AIG1: variants seen among roughly 807,000 people sequenced by gnomAD.
AIG1 encodes androgen induced 1, also known as androgen-induced gene 1 protein.
Under a neutral mutation model 31.4 loss-of-function variants are expected in AIG1, and 23 were observed. The ratio of observed to expected loss-of-function variants is 0.73; its 90% CI spans 0.53 to 1.04. The LOEUF is 1.04. Among genes scored for constraint, AIG1 ranks in the 50% least tolerant of loss-of-function variants. AIG1 has a pLI of 0.00. For missense variants in AIG1, 274 were observed against 295.0 expected (o/e 0.93, Z 0.52); for synonymous variants, 100 against 110.5 (o/e 0.90, Z 0.60).
chr6:143,065,550 G>A (rs1776619879), intron 1 of AIG1, among the ~76,000 whole-genome samples: 1 of 152,080 alleles, frequency 6.6e-6, no homozygotes, highest in South Asian at 2.1e-4. Flanking sequence ...AGAAGAATTA[G>A]GATAAAACCA....
At chr6:143,167,958 A>C (rs1020124443) in intron 3 of AIG1, among the ~76,000 whole-genome samples, 4 of 152,196 alleles carry the variant, frequency 2.6e-5, no homozygotes, top group African/African-American at 9.6e-5. Context: ...TAAACAATTT[A>C]CATTACTTGA....
intron 1 of AIG1, among the ~76,000 whole-genome samples, chr6:143,072,510 G>A (rs963499115): frequency 6.6e-6 from 1 of 151,926 alleles, no homozygotes; most frequent in African/African-American, 2.4e-5. Flanking sequence ...ATCCTTTCTT[G>A]TTTCTTGTTC....
intron 2 of AIG1, among the ~76,000 whole-genome samples, chr6:143,164,344 T>C (rs906625751): frequency 6.6e-6 from 1 of 152,192 alleles, no homozygotes; most frequent in Non-Finnish European, 1.5e-5. Flanking sequence ...CTGAACTTCT[T>C]TTCTCACTAT....
chr6:143,162,534 A>ACAAT (rs1786481311), intron 2 of AIG1, among the ~76,000 whole-genome samples: 1 of 152,206 alleles, frequency 6.6e-6, no homozygotes. Flanking sequence ...ACCAGTGTGT[A>ACAAT]CAATCCCCTT....
intron 2 of AIG1, among the ~76,000 whole-genome samples, chr6:143,140,270 T>C (rs1197741688): frequency 6.6e-6 from 1 of 152,250 alleles, no homozygotes; most frequent in African/African-American, 2.4e-5. Context: ...TTATGGGAGC[T>C]ACAATTCAAG....
At position 143,340,653 on chromosome 6, in the gene AIG1, G is replaced by A. The variant is rs750423862; in HGVS notation, c.*977G>A. ...TATTTTTTGTATTTTTAGTAGAGAC[G>A]GGGTTTCACCTTGTTAGCCAGGATG... On this transcript the variant is annotated 3_prime_UTR_variant, in exon 6 of 6. Transcript: ENST00000357847. Among the ~76,000 whole-genome samples, 38 of 151,796 alleles carry A rather than the reference G, an allele frequency of 2.5e-4. No homozygotes were observed. The highest frequency in any genetic ancestry group is 7.3e-4 in the African/African-American group (30 of 41,312).
intron 1 of AIG1, chr6:143,061,713 C>T (rs987748773): frequency 1.7e-5 from 3 of 172,524 alleles, no homozygotes. Context: ...TCTGTCTTCC[C>T]ATGTACAAAT....
rs1009743566 is a variant in AIG1 at position 143,288,878 on chromosome 6, A to G, written c.515+4653A>G. ...CTGAAAAGGTAGGATGTCTCAAAGA[A>G]GTAGTGGGTGGTTACAAGTCATAGG... On this transcript the variant is annotated intron_variant, in intron 4 of 5. Transcript: ENST00000357847. The surrounding 1 kb of genome is among the most constrained non-coding windows in gnomAD (Gnocchi z 4.4). Among the ~76,000 whole-genome samples, 2 of 152,184 alleles carry G rather than the reference A, an allele frequency of 1.3e-5. No homozygotes were observed. The highest frequency in any genetic ancestry group is 6.5e-5 in the Admixed American group (1 of 15,278).
At chr6:143,261,711 A>G (rs1262950658) in intron 3 of AIG1, among the ~76,000 whole-genome samples, 3 of 152,116 alleles carry the variant, frequency 2.0e-5, no homozygotes, top group Non-Finnish European at 1.5e-5. Flanking sequence ...TCCTCCACCA[A>G]TGGGTTAAGT....
rs182099781 is a variant in AIG1, at chr6:143,062,604, A to G, written c.141+1538A>G. ...TTGTCAATGAGGATTGGCTTTGCCA[A>G]TTATGTTGTGTAGCAGACATTTTCT... On this transcript the variant is annotated intron_variant, in intron 1 of 5. Coordinates refer to ENST00000357847, the MANE Select transcript of AIG1 (RefSeq NM_016108.4). 1.7e-3 allele frequency among the ~76,000 whole-genome samples: 266 copies of G among 152,276 alleles called. 1 individual carries two copies. The highest frequency in any genetic ancestry group is 6.2e-3 in the African/African-American group (256 of 41,546).
rs1332427643 is a variant in AIG1 at position 143,227,772 on chromosome 6, T to G, written c.400-56338T>G. 2.6e-5 allele frequency among the ~76,000 whole-genome samples: 4 copies of G among 152,106 alleles called. No homozygotes were observed. In the South Asian group the frequency reaches 6.2e-4, roughly 24 times the overall value. On this transcript the variant is annotated intron_variant, in intron 3 of 5. Coordinates refer to ENST00000357847, the MANE Select transcript of AIG1 (RefSeq NM_016108.4). ...AGGGGTGGGCTGGCAGCATCTACTA[T>G]CAGGGTGCACATGCACAGGGACCCA...
chr6:143,111,248 C>T (rs147074103), intron 1 of AIG1, among the ~76,000 whole-genome samples: 125 of 152,262 alleles, frequency 8.2e-4, no homozygotes, highest in African/African-American at 2.9e-3. Context: ...CTTCTCATAC[C>T]AGCCCCTGAC....
intron 3 of AIG1, among the ~76,000 whole-genome samples, chr6:143,185,438 A>C (rs1005270776): frequency 3.3e-5 from 5 of 152,104 alleles, no homozygotes; most frequent in African/African-American, 1.2e-4. Context: ...GCCCCTGCAC[A>C]CTGCGCTCCT....
rs1044255663 is a variant in AIG1, at chr6:143,189,318, C to T, written c.399+24135C>T. 10 of 810,530 alleles carry T rather than the reference C, an allele frequency of 1.2e-5. No individual in the cohort carries two copies. In the Admixed American group the frequency reaches 3.1e-4, roughly 25 times the overall value. The allele number at this position is 810,530 out of a possible 1,614,324, so 50.2% of individuals were successfully genotyped here. ...CTGGTCTCGAACTCCTGGCCTCAAG[C>T]GATCCTCCTGCCTCAGCCTTCCTGA... On this transcript the variant is annotated intron_variant, in intron 3 of 5. Transcript: ENST00000357847.
At chr6:143,129,440 A>G (rs1173987255) in intron 1 of AIG1, among the ~76,000 whole-genome samples, 1 of 152,228 alleles carries the variant, frequency 6.6e-6, no homozygotes, top group Non-Finnish European at 1.5e-5. Context: ...GGGGAGAACC[A>G]GTAGGGAGGT....
chr6:143,185,814 T>C (rs1022208543), intron 3 of AIG1, among the ~76,000 whole-genome samples: 1 of 152,202 alleles, frequency 6.6e-6, no homozygotes, highest in Non-Finnish European at 1.5e-5. Flanking sequence ...CTATCACATT[T>C]CCTTATTCTC....
chr6:143,328,720 G>T lies in AIG1; in HGVS notation c.516-4562G>T, dbSNP rs960026269. Among the ~76,000 whole-genome samples the T allele has an allele frequency of 5.9e-5, 9 of 152,214 alleles. No individual in the cohort carries two copies. Among genetic ancestry groups the T allele is most frequent in the African/African-American group, 2.2e-4 (9 of 41,528 alleles). ...GAGTAACAAAGCACTCAGATAGGAG[G>T]CATGAATAAATGTTATTTTTTTAAT... is the stretch of plus-strand genomic sequence containing the variant. On this transcript the variant is annotated intron_variant, in intron 4 of 5. Transcript: ENST00000357847. This position sits in a 1 kb window ranked among gnomAD's most constrained non-coding sequence, Gnocchi z 4.0.
chr6:143,109,775 T>C (rs1412042185), intron 1 of AIG1, among the ~76,000 whole-genome samples: 1 of 152,182 alleles, frequency 6.6e-6, no homozygotes. Flanking sequence ...TTAAAAAAAA[T>C]TTGTTCATTT....
At position 143,168,691 on chromosome 6, in the gene AIG1, T is replaced by C. The variant is rs558197914; in HGVS notation, c.399+3508T>C. On this transcript the variant is annotated intron_variant, in intron 3 of 5. Coordinates refer to ENST00000357847, the MANE Select transcript of AIG1 (RefSeq NM_016108.4). ...GGTGGTATGAACATGTAGTCCTAGC[T>C]ACTCAGGTGGCTGAGGTGGGGGGAT... Among the ~76,000 whole-genome samples, 3 of 152,102 alleles carry C rather than the reference T, an allele frequency of 2.0e-5. No homozygotes were observed. In the South Asian group the frequency reaches 6.2e-4, roughly 32 times the overall value.
Sources: gnomAD v4.1 joint callset for allele counts (sites outside exome capture counted in the v4.1 genomes callset) on GRCh38, gnomAD v4.1.1 for gene constraint, Gnocchi (gnomAD v3.1) non-coding constraint, MANE v1.5 for transcripts, NCBI Gene and HGNC (gene_info 2026-07-23, HGNC 2026-07-21) for gene names.